Variants in SLC5A8 observed in about 807,000 individuals in gnomAD.
SLC5A8 encodes the protein sodium-coupled monocarboxylate transporter 1.
SLC5A8 carries 55 observed loss-of-function variants against 71.9 expected under a neutral mutation model. That is an observed-to-expected ratio of 0.77 (90% CI 0.62 to 0.96). The LOEUF (loss-of-function observed/expected upper bound fraction) is 0.96, where lower values mean the gene tolerates loss of function less well. Among genes scored for constraint, SLC5A8 ranks in the 40% least tolerant of loss-of-function variants. The pLI is 0.00. For synonymous variants in SLC5A8, 307 were observed against 276.1 expected (o/e 1.11, Z -1.11); for missense variants, 701 against 745.3 (o/e 0.94, Z 0.69).
intron 1 of SLC5A8, among the ~76,000 whole-genome samples, chr12:101,206,575 G>A (rs1869689405): frequency 6.6e-6 from 1 of 152,212 alleles, no homozygotes; most frequent in Non-Finnish European, 1.5e-5. Flanking sequence ...GGCTGCTGAA[G>A]AAATACCCGG....
At chr12:101,181,173 G>A (rs997312405) in intron 9 of SLC5A8, among the ~76,000 whole-genome samples, 6 of 151,978 alleles carry the variant, frequency 3.9e-5, no homozygotes, top group Admixed American at 6.6e-5. Flanking sequence ...TTTGTTAAAC[G>A]TATTGAGTAA....
Position 101,204,545 on chromosome 12 carries a change from G to A in SLC5A8, c.372C>T (p.Asn124=). ...CTGTTCCACAGAGACGAACACATTT[G>A]TTAAATCGAAGTTCTAAATACTGTT... ...STYEYLELRF[N]KCVRLCGTVL... The change falls in exon 2 of 15, where the codon AAC becomes AAT. Residue 124 remains asparagine, a synonymous_variant. Coordinates refer to ENST00000536262, the MANE Select transcript of SLC5A8 (RefSeq NM_145913.5). 1 of 1,599,204 alleles carries A rather than the reference G, an allele frequency of 6.3e-7. No homozygotes were observed.
chr12:101,166,693 G>A lies in SLC5A8; in HGVS notation c.1327C>T (p.Leu443Phe). The A allele has an allele frequency of 6.3e-7, 1 of 1,597,948 alleles. No individual in the cohort carries two copies. The highest frequency in any genetic ancestry group is 8.5e-7 in the Non-Finnish European group (1 of 1,173,688). The change falls in exon 12 of 15, where the codon CTT becomes TTT. Residue 443 changes from leucine to phenylalanine, a missense_variant. Coordinates refer to ENST00000536262, the MANE Select transcript of SLC5A8 (RefSeq NM_145913.5). ...LVPFANSIGALVGLMAGFAIS... is the reference protein window; with the variant it reads ...LVPFANSIGAFVGLMAGFAIS... ...GCAAATCCAGCCATCAGACCAACAA[G>A]TGCTCCCTGTAAAACAAGAATGCCT... is the stretch of plus-strand genomic sequence containing the variant.
intron 9 of SLC5A8, among the ~76,000 whole-genome samples, chr12:101,180,868 A>G (rs2051925564): frequency 6.6e-6 from 1 of 152,144 alleles, no homozygotes; most frequent in Non-Finnish European, 1.5e-5. Flanking sequence ...CTTCTTTATA[A>G]AAGTTTTCAA....
rs1002393237 is a variant in SLC5A8 at position 101,177,277 on chromosome 12, A to T, written c.1233+2752T>A. Among the ~76,000 whole-genome samples the T allele has an allele frequency of 7.8e-5, 3 of 38,452 alleles. No homozygotes were observed. In the African/African-American group the frequency reaches 1.5e-3, roughly 20 times the overall value. The allele number at this position is 38,452 out of a possible 152,430, so 25.2% of individuals were successfully genotyped here. A position where few individuals can be genotyped will look rare whatever the true frequency, so the allele number is the denominator to read the frequency against. ...AAATTAAATTCATAATTTTGAAACTAAAAAAAATCCAGGCCCAGATGCTTT... is the reference window on the plus strand; with the variant it reads ...AAATTAAATTCATAATTTTGAAACTTAAAAAAATCCAGGCCCAGATGCTTT... On this transcript the variant is annotated intron_variant, in intron 10 of 14. Transcript: ENST00000536262.
At chr12:101,204,966 G>T (rs748622932) in intron 1 of SLC5A8, among the ~76,000 whole-genome samples, 2 of 152,074 alleles carry the variant, frequency 1.3e-5, no homozygotes, top group Non-Finnish European at 2.9e-5. Flanking sequence ...TTTTTAGAGC[G>T]AGCAATCTGT....
chr12:101,186,080 AT>A (rs35334880), intron 7 of SLC5A8, among the ~76,000 whole-genome samples: 34,994 of 134,706 alleles, frequency 0.26, 4,949 homozygotes, highest in African/African-American at 0.44. Flanking sequence ...AGCCGTAGGG[AT>A]TTTTTTTTTT....
intron 3 of SLC5A8, among the ~76,000 whole-genome samples, chr12:101,198,688 G>A (rs1264872709): frequency 6.6e-6 from 1 of 151,836 alleles, no homozygotes; most frequent in African/African-American, 2.4e-5. Context: ...TGCCTTCAGG[G>A]TGATTTCTAC....
chr12:101,209,810 C>A lies in SLC5A8; in HGVS notation c.39G>T (p.Trp13Cys). The change falls in exon 1 of 15, where the codon TGG becomes TGT. Residue 13 changes from tryptophan (W) to cysteine (C), a missense_variant. Coordinates refer to ENST00000536262, the MANE Select transcript of SLC5A8 (RefSeq NM_145913.5). The stretch of plus-strand genomic sequence containing the variant: ...GCATGCCCGCGAACACCACGTAGTC[C>A]CACACCACGAAGGTGCCGATGCCCC... ...TPRGIGTFVV[W>C]DYVVFAGMLV... 2 of 1,590,348 alleles carry A rather than the reference C, an allele frequency of 1.3e-6. No individual in the cohort carries two copies. Among genetic ancestry groups the A allele is most frequent in the South Asian group, 1.1e-5 (1 of 87,602 alleles).
intron 10 of SLC5A8, among the ~76,000 whole-genome samples, chr12:101,177,793 G>C (rs373426870): frequency 5.3e-5 from 8 of 152,168 alleles, no homozygotes; most frequent in Non-Finnish European, 1.2e-4. Flanking sequence ...TAGAGAATAG[G>C]AATAGAGAGT....
chr12:101,176,672 A>G (rs985584235), intron 10 of SLC5A8, among the ~76,000 whole-genome samples: 1 of 152,106 alleles, frequency 6.6e-6, no homozygotes, highest in Non-Finnish European at 1.5e-5. Context: ...ACTAAGTACC[A>G]TACTTCTAAA....
chr12:101,166,811 C>T (rs1189238157), intron 11 of SLC5A8, 112 bp from the exon 12 acceptor site: 1 of 913,940 alleles, frequency 1.1e-6, no homozygotes, highest in African/African-American at 1.7e-5. Context: ...CTCACAAGGG[C>T]AGAAACATTC....
chr12:101,160,951 C>T (rs1239248404), intron 13 of SLC5A8, among the ~76,000 whole-genome samples: 1 of 151,972 alleles, frequency 6.6e-6, no homozygotes, highest in African/African-American at 2.4e-5. Context: ...AAGAAAATGT[C>T]CAGAACTGAA....
chr12:101,203,271 C>T (rs936933284), intron 2 of SLC5A8, among the ~76,000 whole-genome samples: 5 of 152,084 alleles, frequency 3.3e-5, no homozygotes, highest in African/African-American at 7.2e-5. Context: ...ATATAATTTG[C>T]AAAGATATAA....
rs553429052 is a variant in SLC5A8, at chr12:101,191,552, A to T, written c.693-944T>A. Among the ~76,000 whole-genome samples, 35 of 152,304 alleles carry T rather than the reference A, an allele frequency of 2.3e-4. 1 individual carries two copies. In the South Asian group the frequency reaches 6.8e-3, roughly 30 times the overall value. On this transcript the variant is annotated intron_variant, in intron 5 of 14. Coordinates refer to ENST00000536262, the MANE Select transcript of SLC5A8 (RefSeq NM_145913.5). Reference sequence around the variant, plus strand: ...CAAGACTGTTGACCCTTTCTCCCCAAGAGAGAGAAGCTACTATATTAGCTA... The same window carrying T: ...CAAGACTGTTGACCCTTTCTCCCCATGAGAGAGAAGCTACTATATTAGCTA...
intron 1 of SLC5A8, among the ~76,000 whole-genome samples, chr12:101,208,519 G>A (rs1869772162): frequency 6.6e-6 from 1 of 152,148 alleles, no homozygotes; most frequent in South Asian, 2.1e-4. Context: ...CCACTCCCCT[G>A]AGCTTTGATC....
chr12:101,176,009 T>C (rs940942695), intron 10 of SLC5A8, among the ~76,000 whole-genome samples: 3 of 151,994 alleles, frequency 2.0e-5, no homozygotes, highest in African/African-American at 7.2e-5. Context: ...CCAATAATTA[T>C]ATTAAATGTG....
At position 101,177,517 on chromosome 12, in the gene SLC5A8, C is replaced by T. The variant is rs187791850; in HGVS notation, c.1233+2512G>A. On this transcript the variant is annotated intron_variant, in intron 10 of 14. Coordinates refer to ENST00000536262, the MANE Select transcript of SLC5A8 (RefSeq NM_145913.5). ...CACACACACCACTACAGATCAATAT[C>T]CTTCATGAACATAGATGTAAAAATT... Among the ~76,000 whole-genome samples the T allele has an allele frequency of 5.6e-4, 85 of 151,120 alleles. No individual in the cohort carries two copies. In the Middle Eastern group the frequency reaches 0.01, roughly 18 times the overall value.
chr12:101,170,352 C>T (rs1049477096), intron 10 of SLC5A8, among the ~76,000 whole-genome samples: 2 of 151,956 alleles, frequency 1.3e-5, no homozygotes, highest in Non-Finnish European at 2.9e-5. Context: ...TCTATTCCTC[C>T]TACTAATAAA....
Sources: allele counts gnomAD v4.1 joint callset (sites outside exome capture counted in the v4.1 genomes callset), GRCh38; gene constraint gnomAD v4.1.1; transcripts MANE v1.5; gene names NCBI Gene and HGNC (gene_info 2026-07-23, HGNC 2026-07-21).